The following TANC1 variants were observed in gnomAD, a reference collection of about 807,000 sequenced individuals.
The protein encoded by TANC1 is tetratricopeptide repeat, ankyrin repeat and coiled-coil containing 1.
In TANC1, 77 loss-of-function variants were observed where a neutral mutation model predicts 149.7. The ratio of observed to expected loss-of-function variants is 0.51; its 90% CI spans 0.43 to 0.62. TANC1 has a LOEUF of 0.62. TANC1 is among the 20% of genes least tolerant of loss of function. The pLI is 0.00. For synonymous variants in TANC1, 854 were observed against 925.0 expected, an observed-to-expected ratio of 0.92 and a Z score of 1.39; for missense variants, 1,985 against 2,321.8, an observed-to-expected ratio of 0.85 and a Z score of 2.98.
chr2:159,130,650 C>A (rs987989678), intron 4 of TANC1, among the ~76,000 whole-genome samples: 1 of 152,144 alleles, frequency 6.6e-6, no homozygotes, highest in African/African-American at 2.4e-5. Flanking sequence ...GTCCCTTGTG[C>A]CAGTATCCTT....
chr2:159,076,960 T>G (rs2043750812), intron 3 of TANC1, among the ~76,000 whole-genome samples: 1 of 152,196 alleles, frequency 6.6e-6, no homozygotes. Flanking sequence ...TCTTTATAAT[T>G]TCTTCCTTCA....
chr2:158,983,105 A>C (rs964458951), intron 1 of TANC1, among the ~76,000 whole-genome samples: 1 of 152,174 alleles, frequency 6.6e-6, no homozygotes, highest in African/African-American at 2.4e-5. Context: ...GCCTATATGA[A>C]ATGTTTTGAG....
intron 2 of TANC1, among the ~76,000 whole-genome samples, chr2:159,061,152 C>T (rs1335876311): frequency 6.6e-6 from 1 of 152,150 alleles, no homozygotes; most frequent in Non-Finnish European, 1.5e-5. Context: ...GTAATGTTAC[C>T]TATTCACCTT....
chr2:158,987,179 A>ACTCCAGC (rs2035094889), intron 1 of TANC1, among the ~76,000 whole-genome samples: 1 of 144,930 alleles, frequency 6.9e-6, no homozygotes. Flanking sequence ...GCGCCACTGC[A>ACTCCAGC]CTCCAGCCTG....
At chr2:159,218,238 C>T (rs1222130732) in intron 20 of TANC1, among the ~76,000 whole-genome samples, 1 of 152,184 alleles carries the variant, frequency 6.6e-6, no homozygotes, top group Non-Finnish European at 1.5e-5. Flanking sequence ...ATGTTATGAC[C>T]ATTACAAAGA....
rs2054056857 is a variant in TANC1, at chr2:159,161,649, T to A, written c.683-1634T>A. Among the ~76,000 whole-genome samples the A allele has an allele frequency of 2.0e-5, 3 of 152,254 alleles. No individual in the cohort carries two copies. In the South Asian group the frequency reaches 6.2e-4, roughly 31 times the overall value. ...AACACCACCATTGGCATTTTTATGA[T>A]AGAAAGAGTCATACTTGCTATGCCT... is the stretch of plus-strand genomic sequence containing the variant. On this transcript the variant is annotated intron_variant, in intron 7 of 26. Coordinates refer to ENST00000263635, the MANE Select transcript of TANC1 (RefSeq NM_033394.3).
At chr2:159,227,735 A>G in intron 24 of TANC1, 84 bp from the exon 25 acceptor site, 1 of 1,482,232 alleles carries the variant, frequency 6.7e-7, no homozygotes, top group Non-Finnish European at 9.2e-7. Context: ...GGGGGAGTAA[A>G]CTCCCCACGG....
rs79117674 is a variant in TANC1 at position 159,071,900 on chromosome 2, C to T, written c.61+5929C>T. Among the ~76,000 whole-genome samples, 318 of 152,274 alleles carry T rather than the reference C, an allele frequency of 2.1e-3. 2 individuals carry two copies. The highest frequency in any genetic ancestry group is 7.1e-3 in the African/African-American group (295 of 41,572). On this transcript the variant is annotated intron_variant, in intron 3 of 26. Transcript: ENST00000263635. ...TTCAGTATAAAGGTATTGTATTTTT[C>T]TTTACTGGGGCATTTAAACAAATTC...
intron 2 of TANC1, among the ~76,000 whole-genome samples, chr2:159,042,625 C>T (rs1041631397): frequency 4.6e-5 from 7 of 151,992 alleles, no homozygotes; most frequent in African/African-American, 1.7e-4. Flanking sequence ...CAGAGGCCAA[C>T]CAGGTGTTCT....
chr2:159,064,313 C>T (rs1178698265), intron 2 of TANC1, among the ~76,000 whole-genome samples: 2 of 152,306 alleles, frequency 1.3e-5, no homozygotes, highest in Admixed American at 6.5e-5. Flanking sequence ...ATTCAAGCAG[C>T]ATTTTCAAAA....
chr2:159,184,239 T>C (rs2056766931), intron 14 of TANC1, among the ~76,000 whole-genome samples: 1 of 152,242 alleles, frequency 6.6e-6, no homozygotes, highest in African/African-American at 2.4e-5. Flanking sequence ...AAGAGCTTGA[T>C]ACCTGGAAGC....
At chr2:159,021,067 G>A (rs1347766509) in intron 2 of TANC1, among the ~76,000 whole-genome samples, 1 of 152,180 alleles carries the variant, frequency 6.6e-6, no homozygotes, top group East Asian at 1.9e-4. Context: ...GATTTGGATT[G>A]TCTTTTTGCC....
chr2:159,036,012 G>C (rs529138576), intron 2 of TANC1, among the ~76,000 whole-genome samples: 2 of 152,326 alleles, frequency 1.3e-5, no homozygotes, highest in African/African-American at 2.4e-5. Context: ...GCTGTGGGCT[G>C]TGATGGGTAT....
At chr2:159,025,184 C>CTTCCT (rs2039177690) in intron 2 of TANC1, among the ~76,000 whole-genome samples, 23 of 134,494 alleles carry the variant, frequency 1.7e-4, no homozygotes, top group African/African-American at 6.4e-4. Context: ...CTTTCTTTTT[C>CTTCCT]TTTCTTTTCT....
At chr2:159,228,052 T>C (rs2060123767) in intron 25 of TANC1, 87 bp downstream of exon 25, 1 of 1,401,158 alleles carries the variant, frequency 7.1e-7, no homozygotes, top group African/African-American at 1.4e-5. Flanking sequence ...CCAGACCAGA[T>C]CCTGGGCCCT....
At chr2:159,025,510 T>C (rs993260389) in intron 2 of TANC1, among the ~76,000 whole-genome samples, 3 of 152,146 alleles carry the variant, frequency 2.0e-5, no homozygotes, top group African/African-American at 7.2e-5. Flanking sequence ...TATGTATCTG[T>C]TACTCAGTAA....
At chr2:159,088,607 G>A (rs182265516) in intron 3 of TANC1, among the ~76,000 whole-genome samples, 28 of 152,292 alleles carry the variant, frequency 1.8e-4, no homozygotes, top group African/African-American at 6.7e-4. Flanking sequence ...CGGCCTGTGG[G>A]TCACATGAGG....
chr2:159,012,526 C>T (rs958791693), intron 2 of TANC1, among the ~76,000 whole-genome samples: 1 of 152,032 alleles, frequency 6.6e-6, no homozygotes, highest in Non-Finnish European at 1.5e-5. Context: ...AAGTCTCTGC[C>T]ACACAAGAGA....
At position 159,136,043 on chromosome 2, in the gene TANC1, TGTGTGTGCGCGCGCGCGC is replaced by T. The variant is rs2150200863; in HGVS notation, c.260-148_260-131del. The T allele has an allele frequency of 9.3e-6, 2 of 214,730 alleles. 1 individual carries two copies. Among genetic ancestry groups the T allele is most frequent in the East Asian group, 2.3e-4 (2 of 8,586 alleles). The allele number at this position is 214,730 out of a possible 1,614,324, so 13.3% of individuals were successfully genotyped here. On this transcript the variant is annotated intron_variant, in intron 4 of 26. Transcript: ENST00000263635. Reference sequence around the variant, plus strand: ...GTGTGTGTGTGTGTGTGTGTGTGTGTGTGTGTGCGCGCGCGCGCGTTTAAGGGAGGGGAAGGCACTGGC... The same window carrying T: ...GTGTGTGTGTGTGTGTGTGTGTGTGTGTTTAAGGGAGGGGAAGGCACTGGC...
Sources: allele counts gnomAD v4.1 joint callset (sites outside exome capture counted in the v4.1 genomes callset), GRCh38; gene constraint gnomAD v4.1.1; transcripts MANE v1.5; gene names NCBI Gene and HGNC (gene_info 2026-07-23, HGNC 2026-07-21).